The following ANO10 variants were observed in gnomAD, a reference collection of about 807,000 sequenced individuals.
ANO10 encodes anoctamin 10.
Under a neutral mutation model 74.7 loss-of-function variants are expected in ANO10, and 77 were observed. The observed-to-expected ratio is 1.03, with a 90% CI of 0.86 to 1.25. The LOEUF is 1.25. Among genes scored for constraint, ANO10 ranks in the 50% most tolerant of loss-of-function variants. The pLI is 0.00. For synonymous variants in ANO10, 279 were observed against 284.9 expected (o/e 0.98, Z 0.21); for missense variants, 721 against 778.1 (o/e 0.93, Z 0.87).
At chr3:43,432,808 A>C (rs1450930694) in intron 11 of ANO10, 81 bp from the exon 12 acceptor site, 1 of 955,004 alleles carries the variant, frequency 1.0e-6, no homozygotes, top group East Asian at 2.5e-5. Context: ...TAAGCAATCT[A>C]GGATTATTTA....
intron 1 of ANO10, among the ~76,000 whole-genome samples, chr3:43,632,433 A>G (rs967805203): frequency 2.0e-5 from 3 of 152,270 alleles, no homozygotes; most frequent in Admixed American, 6.5e-5. Context: ...CCATAGCTCT[A>G]GTCAGGCAGC....
rs190876393 is a variant in ANO10 at position 43,552,528 on chromosome 3, T to A, written c.1669-2680A>T. Among the ~76,000 whole-genome samples the A allele has an allele frequency of 1.5e-4, 23 of 151,968 alleles. No homozygotes were observed. In the East Asian group the frequency reaches 4.0e-3, roughly 27 times the overall value. ...TGTTTACTAATATTTTTGGTTACCA[T>A]GTTTTTTCTTCTACAGGTTCCCAGA... On this transcript the variant is annotated intron_variant, in intron 10 of 12. Coordinates refer to ENST00000292246, the MANE Select transcript of ANO10 (RefSeq NM_018075.5).
At chr3:43,417,059 A>C (rs1005560608) in intron 12 of ANO10, among the ~76,000 whole-genome samples, 3 of 152,212 alleles carry the variant, frequency 2.0e-5, no homozygotes, top group Non-Finnish European at 4.4e-5. Flanking sequence ...TACAGGAGTT[A>C]AGAAGAAATT....
chr3:43,657,970 A>T (rs1273069659), intron 1 of ANO10, among the ~76,000 whole-genome samples: 2 of 152,064 alleles, frequency 1.3e-5, no homozygotes, highest in Non-Finnish European at 1.5e-5. Flanking sequence ...ATGGCTTAAT[A>T]TTTTTTTCCT....
intron 12 of ANO10, among the ~76,000 whole-genome samples, chr3:43,416,046 A>G (rs1221024368): frequency 2.6e-5 from 4 of 151,320 alleles, no homozygotes; most frequent in African/African-American, 9.7e-5. Context: ...GTCTACCTGG[A>G]TTTATTCTAT....
intron 8 of ANO10, among the ~76,000 whole-genome samples, chr3:43,561,712 C>T (rs933898209): frequency 6.6e-6 from 1 of 152,028 alleles, no homozygotes; most frequent in African/African-American, 2.4e-5. Flanking sequence ...AGTCCCAACA[C>T]AAGGAAATAA....
intron 11 of ANO10, among the ~76,000 whole-genome samples, chr3:43,441,671 C>T (rs2093161945): frequency 6.6e-6 from 1 of 152,044 alleles, no homozygotes; most frequent in Non-Finnish European, 1.5e-5. Flanking sequence ...AGGTCAATAT[C>T]ACTGTGATAC....
rs2149282429 is a variant in ANO10, at chr3:43,542,451, A to C, written c.1797+7269T>G. On this transcript the variant is annotated intron_variant, in intron 11 of 12. Transcript: ENST00000292246. ...GAACCAATGCAATGCTATGATGGAG[A>C]GCCTGGCCCATGACAACAAATCTAG... 1.3e-5 allele frequency among the ~76,000 whole-genome samples: 2 copies of C among 152,314 alleles called. 1 individual carries two copies. The highest frequency in any genetic ancestry group is 4.1e-4 in the South Asian group (2 of 4,822).
At chr3:43,630,117 C>T (rs892347960) in intron 1 of ANO10, among the ~76,000 whole-genome samples, 3 of 152,134 alleles carry the variant, frequency 2.0e-5, no homozygotes, top group South Asian at 2.1e-4. Flanking sequence ...AGCAAACAAA[C>T]AATCTGAATT....
intron 11 of ANO10, among the ~76,000 whole-genome samples, chr3:43,505,054 A>G (rs570289472): frequency 1.3e-4 from 20 of 152,246 alleles, no homozygotes; most frequent in Non-Finnish European, 2.1e-4. Flanking sequence ...ATTAAGTGCC[A>G]TGAGAGTTGC....
chr3:43,523,022 G>A (rs1366034423), intron 11 of ANO10, among the ~76,000 whole-genome samples: 1 of 152,224 alleles, frequency 6.6e-6, no homozygotes, highest in Non-Finnish European at 1.5e-5. Context: ...AGCTTCTATA[G>A]TGGGAGGGGG....
intron 7 of ANO10, among the ~76,000 whole-genome samples, chr3:43,566,888 C>T (rs2080385118): frequency 1.3e-5 from 2 of 152,264 alleles, no homozygotes; most frequent in East Asian, 1.9e-4. Flanking sequence ...TTACTCTGAG[C>T]TACGGGAGGA....
chr3:43,572,236 A>G (rs2080766685), intron 7 of ANO10, among the ~76,000 whole-genome samples: 1 of 151,860 alleles, frequency 6.6e-6, no homozygotes, highest in African/African-American at 2.4e-5. Context: ...ATCAATCAGG[A>G]CCCCCCCACC....
intron 2 of ANO10, among the ~76,000 whole-genome samples, chr3:43,603,534 G>A (rs925433471): frequency 1.3e-5 from 2 of 151,854 alleles, no homozygotes; most frequent in Non-Finnish European, 2.9e-5. Flanking sequence ...TGAGTGCTGC[G>A]ATGTTTATTA....
intron 4 of ANO10, among the ~76,000 whole-genome samples, chr3:43,583,238 G>GTTTT (rs1008754780): frequency 6.9e-6 from 1 of 145,300 alleles, no homozygotes. Context: ...TTGCTTTTTG[G>GTTTT]TTTTTTTTTT....
chr3:43,663,055 A>G (rs1251931285), intron 1 of ANO10, among the ~76,000 whole-genome samples: 1 of 152,234 alleles, frequency 6.6e-6, no homozygotes, highest in African/African-American at 2.4e-5. Context: ...GGCCAGCATC[A>G]TCCTGATATG....
At chr3:43,377,916 G>T (rs1230061968) in intron 12 of ANO10, among the ~76,000 whole-genome samples, 1 of 152,146 alleles carries the variant, frequency 6.6e-6, no homozygotes, top group African/African-American at 2.4e-5. Context: ...CCTGAACTGG[G>T]GTGGCACAGT....
intron 11 of ANO10, among the ~76,000 whole-genome samples, chr3:43,484,119 G>A (rs140183248): frequency 2.6e-5 from 4 of 152,018 alleles, no homozygotes; most frequent in Non-Finnish European, 5.9e-5. Context: ...TGTTTGTAGA[G>A]ATGGGGTTTC....
chr3:43,382,631 T>C (rs958007841), intron 12 of ANO10, among the ~76,000 whole-genome samples: 8 of 151,914 alleles, frequency 5.3e-5, no homozygotes, highest in South Asian at 2.1e-4. Flanking sequence ...TTTGAAAAGA[T>C]AGACTAATGG....
Sources: allele counts gnomAD v4.1 joint callset (sites outside exome capture counted in the v4.1 genomes callset), GRCh38; gene constraint gnomAD v4.1.1; transcripts MANE v1.5; gene names NCBI Gene and HGNC (gene_info 2026-07-23, HGNC 2026-07-21).